Variants in ZNF462 observed in about 807,000 individuals in gnomAD.
ZNF462 encodes zinc finger protein 462.
ZNF462 carries 10 observed loss-of-function variants against 201.9 expected under a neutral mutation model. The observed-to-expected ratio is 0.05, with a 90% CI of 0.03 to 0.08. The LOEUF (loss-of-function observed/expected upper bound fraction) is 0.08. Ranked by LOEUF, ZNF462 falls within the 10% of genes least tolerant of loss-of-function variation. ZNF462 has a pLI of 1.00. For missense variants in ZNF462, 2,523 were observed against 3,168.3 expected, an observed-to-expected ratio of 0.80 and a Z score of 4.89; for synonymous variants, 1,227 against 1,193.3, an observed-to-expected ratio of 1.03 and a Z score of -0.58.
chr9:106,886,870 C>T lies in ZNF462; in HGVS notation c.-31+23515C>T, dbSNP rs1828341820. Among the ~76,000 whole-genome samples, 1 of 152,002 alleles carries T rather than the reference C, an allele frequency of 6.6e-6. No homozygotes were observed. Among genetic ancestry groups the T allele is most frequent in the South Asian group, 2.1e-4 (1 of 4,812 alleles). ...TTGAGGATTCTGTGCCTTGTCTAGGCTTGTTGGAAAAGAGTGTGGAGATCA... is the reference window on the plus strand; with the variant it reads ...TTGAGGATTCTGTGCCTTGTCTAGGTTTGTTGGAAAAGAGTGTGGAGATCA... On this transcript the variant is annotated intron_variant, in intron 1 of 12. Coordinates refer to ENST00000277225, the MANE Select transcript of ZNF462 (RefSeq NM_021224.6). The surrounding 1 kb of genome is among the most constrained non-coding windows in gnomAD (Gnocchi z 4.6).
In ZNF462 at chr9:107,012,490, C is replaced by T. The variant is rs981402708; in HGVS notation, c.*1460C>T. On this transcript the variant is annotated 3_prime_UTR_variant, in exon 13 of 13. Transcript: ENST00000277225. Reference sequence around the variant, plus strand: ...AAATCTAGCTGCCAGCTGCTCTGTCCCCCATATCAGCTTTTTCAGGAGGGA... The same window carrying T: ...AAATCTAGCTGCCAGCTGCTCTGTCTCCCATATCAGCTTTTTCAGGAGGGA... 2.8e-5 allele frequency: 4 copies of T among 145,190 alleles called. No individual in the cohort carries two copies. Among genetic ancestry groups the T allele is most frequent in the Non-Finnish European group, 3.0e-5 (2 of 66,910 alleles). The allele number at this position is 145,190 out of a possible 1,614,324, so 9.0% of individuals were successfully genotyped here. A position where few individuals can be genotyped will look rare whatever the true frequency, so the allele number is the denominator to read the frequency against.
chr9:106,939,051 A>G lies in ZNF462; in HGVS notation c.6371A>G (p.His2124Arg). 1 of 1,612,002 alleles carries G rather than the reference A, an allele frequency of 6.2e-7. No individual in the cohort carries two copies. The highest frequency in any genetic ancestry group is 8.5e-7 in the Non-Finnish European group (1 of 1,179,382). ...RPRIVSLLSS[H>R]SHHSSQKATP... The stretch of plus-strand genomic sequence containing the variant: ...CGGATCGTCAGTCTCCTCTCCTCAC[A>G]CTCCCACCACTCCTCCCAAAAAGCT... The change falls in exon 7 of 13, where the codon CAC becomes CGC. Residue 2124 changes from histidine (H) to arginine (R), a missense_variant. Around this residue, in one of 15 missense-constraint regions of ZNF462, gnomAD observed 138 missense variants for 146.3 expected, o/e 0.94. Transcript: ENST00000277225.
rs756936896 is a variant in ZNF462 at position 106,927,136 on chromosome 9, G to C, written c.3224G>C (p.Gly1075Ala). ...ATGCGAATGGTGTCTGTGGACAGGG[G>C]CTCTGCCCTTTCTCAATTATCATTT... ...KTMRMVSVDR[G>A]SALSQLSFEV... The change falls in exon 3 of 13, where the codon GGC becomes GCC. Residue 1075 changes from glycine (G) to alanine (A), a missense_variant. By Grantham distance (60) the Gly-to-Ala change is moderately conservative. Coordinates refer to ENST00000277225, the MANE Select transcript of ZNF462 (RefSeq NM_021224.6). 3 of 1,614,120 alleles carry C rather than the reference G, an allele frequency of 1.9e-6. No individual in the cohort carries two copies. The highest frequency in any genetic ancestry group is 2.5e-6 in the Non-Finnish European group (3 of 1,180,026).
At chr9:106,864,081 TC>T (rs1564062552) in intron 1 of ZNF462, among the ~76,000 whole-genome samples, 7 of 134,096 alleles carry the variant, frequency 5.2e-5, no homozygotes, top group Non-Finnish European at 8.0e-5. Context: ...TCTCTCTCTC[TC>T]TCTCTCTCTC....
rs1282065731 is a variant in ZNF462 at position 106,932,394 on chromosome 9, G to A, written c.6013-52G>A. On this transcript the variant is annotated intron_variant, in intron 4 of 12. Coordinates refer to ENST00000277225, the MANE Select transcript of ZNF462 (RefSeq NM_021224.6). The surrounding 1 kb of genome is among the most constrained non-coding windows in gnomAD (Gnocchi z 6.8). The stretch of plus-strand genomic sequence containing the variant: ...ATGGAATGTTGGAGGATGAAACCCG[G>A]CCGGGGGGATACCATTGCAGTCAAT... 1 of 1,613,396 alleles carries A rather than the reference G, an allele frequency of 6.2e-7. No homozygotes were observed. The highest frequency in any genetic ancestry group is 8.5e-7 in the Non-Finnish European group (1 of 1,179,652).
rs946234811 is a variant in ZNF462 at position 107,010,618 on chromosome 9, C to G, written c.7314-205C>G. ...TCTGTAAGTTCAAATCTTTAAGATA[C>G]AGAAATATATGACTTAAGCAAAACA... On this transcript the variant is annotated intron_variant, in intron 12 of 12. Transcript: ENST00000277225. This position sits in a 1 kb window ranked among gnomAD's most constrained non-coding sequence, Gnocchi z 4.6. 6.6e-6 allele frequency among the ~76,000 whole-genome samples: 1 copy of G among 151,958 alleles called. No individual in the cohort carries two copies. The highest frequency in any genetic ancestry group is 2.4e-5 in the African/African-American group (1 of 41,376).
chr9:106,962,767 C>T lies in ZNF462; in HGVS notation c.6428-9238C>T, dbSNP rs747522304. On this transcript the variant is annotated intron_variant, in intron 7 of 12. Coordinates refer to ENST00000277225, the MANE Select transcript of ZNF462 (RefSeq NM_021224.6). The surrounding 1 kb of genome is among the most constrained non-coding windows in gnomAD (Gnocchi z 4.6). ...CCTCAACCTTATTTTCAGGATTAGGCGTTTGTTTTTCCGTTTGCCTCCATG... is the reference window on the plus strand; with the variant it reads ...CCTCAACCTTATTTTCAGGATTAGGTGTTTGTTTTTCCGTTTGCCTCCATG... 2.0e-5 allele frequency among the ~76,000 whole-genome samples: 3 copies of T among 151,928 alleles called. No individual in the cohort carries two copies. The highest frequency in any genetic ancestry group is 4.8e-5 in the African/African-American group (2 of 41,370).
intron 10 of ZNF462, among the ~76,000 whole-genome samples, chr9:106,987,022 TAGATA>T (rs1025575364): frequency 1.3e-5 from 2 of 150,864 alleles, no homozygotes; most frequent in East Asian, 4.0e-4. Flanking sequence ...GATAGATAGA[TAGATA>T]GATAGATAGA....
intron 1 of ZNF462, among the ~76,000 whole-genome samples, chr9:106,879,333 C>A (rs75979644): frequency 6.6e-5 from 2 of 30,254 alleles, no homozygotes; most frequent in Non-Finnish European, 1.1e-4. Context: ...ATGCTTTCCA[C>A]CCCCCCCCCC....
At chr9:106,961,092 G>GT (rs1260170336) in intron 7 of ZNF462, among the ~76,000 whole-genome samples, 2 of 152,038 alleles carry the variant, frequency 1.3e-5, no homozygotes, top group Admixed American at 6.6e-5. Context: ...GGTGTTGATT[G>GT]TTTATCAAAA....
rs1382941387 is a variant in ZNF462, at chr9:106,977,276, T to A, written c.6832+3003T>A. On this transcript the variant is annotated intron_variant, in intron 9 of 12. Coordinates refer to ENST00000277225, the MANE Select transcript of ZNF462 (RefSeq NM_021224.6). The surrounding 1 kb of genome is among the most constrained non-coding windows in gnomAD (Gnocchi z 4.6). ...GACATGGCTCCTTCTGCACCTGTCC[T>A]CTTCCTGCTCTATCCATGACATCCT... is the stretch of plus-strand genomic sequence containing the variant. Among the ~76,000 whole-genome samples the A allele has an allele frequency of 6.8e-6, 1 of 147,306 alleles. No homozygotes were observed. The highest frequency in any genetic ancestry group is 1.5e-5 in the Non-Finnish European group (1 of 68,010).
Position 106,966,923 on chromosome 9 carries a change from C to T in ZNF462, c.6428-5082C>T, listed in dbSNP as rs972734759. ...CCAAGGTACTTCTGTTCCCTTTCAC[C>T]TTCACTCATATTCTCTATGCAGGGC... is the stretch of plus-strand genomic sequence containing the variant. On this transcript the variant is annotated intron_variant, in intron 7 of 12. Coordinates refer to ENST00000277225, the MANE Select transcript of ZNF462 (RefSeq NM_021224.6). The surrounding 1 kb of genome is among the most constrained non-coding windows in gnomAD (Gnocchi z 4.4). Among the ~76,000 whole-genome samples the T allele has an allele frequency of 2.6e-5, 4 of 152,034 alleles. No homozygotes were observed. Among genetic ancestry groups the T allele is most frequent in the Non-Finnish European group, 4.4e-5 (3 of 67,978 alleles).
rs1181519188 is a variant in ZNF462, at chr9:106,991,849, C to CT, written c.7056+7440_7056+7441insT. On this transcript the variant is annotated intron_variant, in intron 10 of 12. Transcript: ENST00000277225. ...CTTTACAGCACTCTCTACACACACACACACACACACACACACACACACACA... is the reference window on the plus strand; with the variant it reads ...CTTTACAGCACTCTCTACACACACACTACACACACACACACACACACACACA... 2.0e-4 allele frequency among the ~76,000 whole-genome samples: 29 copies of CT among 144,796 alleles called. 1 individual carries two copies. The highest frequency in any genetic ancestry group is 7.1e-4 in the African/African-American group (28 of 39,442). 95.0% of individuals were successfully genotyped at this position (144,796 alleles called of 152,430 possible).
In ZNF462 at chr9:106,865,875, A is replaced by T. The variant is rs552968965; in HGVS notation, c.-31+2520A>T. 7.2e-5 allele frequency among the ~76,000 whole-genome samples: 11 copies of T among 152,306 alleles called. No homozygotes were observed. The East Asian group carries it at 9.6e-4, about 13-fold the overall frequency. ...ACACACATTGATGGGAGCTCTTCAC[A>T]TATTAGTTTTAGAGAATGTACATAA... On this transcript the variant is annotated intron_variant, in intron 1 of 12. Coordinates refer to ENST00000277225, the MANE Select transcript of ZNF462 (RefSeq NM_021224.6). The surrounding 1 kb of genome is among the most constrained non-coding windows in gnomAD (Gnocchi z 4.1).
upstream of ZNF462, among the ~76,000 whole-genome samples, chr9:106,861,319 C>T (rs1004227399): frequency 1.3e-5 from 2 of 152,112 alleles, no homozygotes; most frequent in East Asian, 1.9e-4. Flanking sequence ...GCGCGCGTCT[C>T]CTCCTCTTCC....
Position 106,974,755 on chromosome 9 carries a change from A to T in ZNF462, c.6832+482A>T. ...GAGAGAATTCTTTAAAATAATGTAT[A>T]TTATACATTCTAATAATAGTCTCTA... On this transcript the variant is annotated intron_variant, in intron 9 of 12. Coordinates refer to ENST00000277225, the MANE Select transcript of ZNF462 (RefSeq NM_021224.6). This position sits in a 1 kb window ranked among gnomAD's most constrained non-coding sequence, Gnocchi z 4.0. 1 of 186,688 alleles carries T rather than the reference A, an allele frequency of 5.4e-6. No homozygotes were observed. Among genetic ancestry groups the T allele is most frequent in the Admixed American group, 5.3e-5 (1 of 18,800 alleles). The allele number at this position is 186,688 out of a possible 1,614,324, so 11.6% of individuals were successfully genotyped here. A position where few individuals can be genotyped will look rare whatever the true frequency, so the allele number is the denominator to read the frequency against.
At position 106,930,728 on chromosome 9, in the gene ZNF462, C is replaced by T. The variant is rs372726361; in HGVS notation, c.6012+39C>T. ...GGTCTGGATGAGCATTGTGTGTGAG[C>T]GATTCGAGTTACTTATTAACCCCAT... On this transcript the variant is annotated intron_variant, in intron 4 of 12. Coordinates refer to ENST00000277225, the MANE Select transcript of ZNF462 (RefSeq NM_021224.6). This position sits in a 1 kb window ranked among gnomAD's most constrained non-coding sequence, Gnocchi z 5.8. 90 of 1,606,948 alleles carry T rather than the reference C, an allele frequency of 5.6e-5. No homozygotes were observed. The highest frequency in any genetic ancestry group is 7.6e-5 in the Non-Finnish European group (89 of 1,175,462).
intron 1 of ZNF462, among the ~76,000 whole-genome samples, chr9:106,879,943 T>A (rs59826021): frequency 0.061 from 9,329 of 152,242 alleles, 518 homozygotes; most frequent in African/African-American, 0.15. Context: ...TTCAGTGGAC[T>A]TCACAGCTGT....
chr9:106,915,835 T>A (rs1055363649), intron 1 of ZNF462, among the ~76,000 whole-genome samples: 11 of 152,168 alleles, frequency 7.2e-5, no homozygotes, highest in African/African-American at 2.7e-4. Flanking sequence ...GAAACCATGG[T>A]TTGGAGAAAG....
Sources: gnomAD v4.1 joint callset for allele counts (sites outside exome capture counted in the v4.1 genomes callset) on GRCh38, gnomAD v4.1.1 for gene constraint, gnomAD v4.1.1 regional missense constraint, Gnocchi (gnomAD v3.1) non-coding constraint, MANE v1.5 for transcripts, NCBI Gene and HGNC (gene_info 2026-07-23, HGNC 2026-07-21) for gene names.